Variants in RASSF5 observed in about 807,000 individuals in gnomAD.
The protein encoded by RASSF5 is Ras association domain family member 5.
A neutral mutation model predicts 40.5 loss-of-function variants in RASSF5; 25 were observed. The ratio of observed to expected loss-of-function variants is 0.62; its 90% CI spans 0.45 to 0.86. The LOEUF is 0.86. RASSF5 is among the 40% of genes least tolerant of loss of function. RASSF5 has a pLI of 0.00. For missense variants in RASSF5, 521 were observed against 572.8 expected (o/e 0.91, Z 0.92); for synonymous variants, 246 against 252.4 (o/e 0.97, Z 0.24).
In RASSF5 at chr1:206,566,400, T is replaced by C. The variant is rs540377919; in HGVS notation, c.580-16869T>C. On this transcript the variant is annotated intron_variant, in intron 2 of 5. Transcript: ENST00000579436. The stretch of plus-strand genomic sequence containing the variant: ...TCTAGTCTTGGGAAATCTGGGTTAC[T>C]GTACTTTGTTATCATGATCATCTCA... Among the ~76,000 whole-genome samples, 14 of 152,342 alleles carry C rather than the reference T, an allele frequency of 9.2e-5. 1 individual carries two copies. The South Asian group carries it at 2.7e-3, about 29-fold the overall frequency.
chr1:206,523,647 TA>T (rs1322308665), intron 1 of RASSF5, among the ~76,000 whole-genome samples: 15 of 100,820 alleles, frequency 1.5e-4, no homozygotes, highest in Non-Finnish European at 2.6e-4. Context: ...ATATATAATA[TA>T]TTTATATAAA....
intron 1 of RASSF5, among the ~76,000 whole-genome samples, chr1:206,537,893 T>C (rs73079044): frequency 0.026 from 4,018 of 152,334 alleles, 192 homozygotes; most frequent in African/African-American, 0.091. Flanking sequence ...CTCTAGGCAC[T>C]GATTTTCTAT....
intron 1 of RASSF5, chr1:206,529,701 G>A (rs1667187759): frequency 9.7e-6 from 7 of 718,950 alleles, no homozygotes; most frequent in Non-Finnish European, 1.8e-5. Flanking sequence ...CACTAAACCG[G>A]GTTAAATGCA....
rs1553406188 is a variant in RASSF5, at chr1:206,581,005, A to G, written c.580-2264A>G. Reference sequence around the variant, plus strand: ...TTTCAGTGATCATTATGGGTGTGGCAGGCCGGCCCCTTCAGCAAAAGATGC... The same window carrying G: ...TTTCAGTGATCATTATGGGTGTGGCGGGCCGGCCCCTTCAGCAAAAGATGC... On this transcript the variant is annotated intron_variant, in intron 2 of 5. Coordinates refer to ENST00000579436, the MANE Select transcript of RASSF5 (RefSeq NM_182663.4). 4 of 152,244 alleles carry G rather than the reference A, an allele frequency of 2.6e-5. No homozygotes were observed. The South Asian group carries it at 6.2e-4, about 24-fold the overall frequency. The allele number at this position is 152,244 out of a possible 1,614,324, so 9.4% of individuals were successfully genotyped here. A position where few individuals can be genotyped will look rare whatever the true frequency, so the allele number is the denominator to read the frequency against.
chr1:206,556,629 T>A (rs1455118084), intron 2 of RASSF5, among the ~76,000 whole-genome samples: 1 of 152,134 alleles, frequency 6.6e-6, no homozygotes, highest in Non-Finnish European at 1.5e-5. Flanking sequence ...GAGGGCCAAG[T>A]TCTATGGGTG....
At chr1:206,570,814 G>T (rs1167199298) in intron 2 of RASSF5, among the ~76,000 whole-genome samples, 2 of 152,068 alleles carry the variant, frequency 1.3e-5, no homozygotes, top group Non-Finnish European at 2.9e-5. Context: ...TGGACACTTG[G>T]GTTTCATCCA....
chr1:206,529,257 G>T (rs568600453), intron 1 of RASSF5: 15 of 1,147,980 alleles, frequency 1.3e-5, no homozygotes, highest in Middle Eastern at 2.9e-4. Context: ...GTTGGCCCAG[G>T]CTGAGAAGAG....
chr1:206,563,742 A>T (rs561440586), intron 2 of RASSF5, among the ~76,000 whole-genome samples: 1 of 152,204 alleles, frequency 6.6e-6, no homozygotes, highest in Admixed American at 6.5e-5. Flanking sequence ...GCTTACCCCA[A>T]TTGGAATGCA....
chr1:206,548,707 A>C (rs567631084), intron 2 of RASSF5, among the ~76,000 whole-genome samples: 4 of 152,342 alleles, frequency 2.6e-5, no homozygotes, highest in Non-Finnish European at 4.4e-5. Context: ...AGTTTTCACG[A>C]AAATTGGAAA....
chr1:206,545,043 T>C (rs918738185), intron 2 of RASSF5, among the ~76,000 whole-genome samples: 10 of 152,066 alleles, frequency 6.6e-5, no homozygotes, highest in Non-Finnish European at 1.5e-5. Context: ...GATGTGTCCT[T>C]TCCTGAGGCC....
chr1:206,538,834 G>A (rs1322167182), intron 2 of RASSF5, among the ~76,000 whole-genome samples: 3 of 152,208 alleles, frequency 2.0e-5, no homozygotes, highest in Non-Finnish European at 4.4e-5. Flanking sequence ...TGGAGACAGA[G>A]GAGTGTGTTT....
Position 206,584,959 on chromosome 1 carries a change from C to T in RASSF5, c.989-221C>T, listed in dbSNP as rs782263578. On this transcript the variant is annotated intron_variant, in intron 4 of 5. Transcript: ENST00000579436. The surrounding 1 kb of genome is among the most constrained non-coding windows in gnomAD (Gnocchi z 4.9). ...ATCTGCCCCACCATTCCTAATCTTT[C>T]AGGAGATGATGTGAATGGAATCATG... 2 of 606,316 alleles carry T rather than the reference C, an allele frequency of 3.3e-6. No homozygotes were observed. Among genetic ancestry groups the T allele is most frequent in the Non-Finnish European group, 5.8e-6 (2 of 342,354 alleles). The allele number at this position is 606,316 out of a possible 1,614,324, so 37.6% of individuals were successfully genotyped here.
In RASSF5 at chr1:206,507,861, C is replaced by G. The variant is rs57865548; in HGVS notation, c.259C>G (p.Leu87Val). 2.0e-6 allele frequency: 3 copies of G among 1,483,644 alleles called. No individual in the cohort carries two copies. Among genetic ancestry groups the G allele is most frequent in the Admixed American group, 4.6e-5 (2 of 43,844 alleles). 91.9% of individuals were successfully genotyped at this position (1,483,644 alleles called of 1,614,324 possible). A position where few individuals can be genotyped will look rare whatever the true frequency, so the allele number is the denominator to read the frequency against. ...SRPARPLRPG[L>V]QQRLRRRPGA... ...ACCCGCTCGCCCGCTCCGGCCTGGT[C>G]TGCAGCAGAGACTGCGGCGGCGGCC... The change falls in exon 1 of 6, where the codon CTG (leucine) becomes GTG (valine). Residue 87 changes from leucine to valine, a missense_variant. Leu to Val is a conservative substitution (Grantham distance 32). Coordinates refer to ENST00000579436, the MANE Select transcript of RASSF5 (RefSeq NM_182663.4).
chr1:206,530,766 G>A (rs1325100458), intron 1 of RASSF5, among the ~76,000 whole-genome samples: 1 of 152,226 alleles, frequency 6.6e-6, no homozygotes, highest in Non-Finnish European at 1.5e-5. Context: ...AGTACACCCA[G>A]CCCCTCCCCG....
At chr1:206,527,990 T>A (rs1212216070) in intron 1 of RASSF5, among the ~76,000 whole-genome samples, 1 of 152,116 alleles carries the variant, frequency 6.6e-6, no homozygotes, top group Admixed American at 6.6e-5. Flanking sequence ...AAAATAGGAG[T>A]AGATCCAATG....
chr1:206,546,316 C>T (rs1553400193), intron 2 of RASSF5, among the ~76,000 whole-genome samples: 1 of 151,544 alleles, frequency 6.6e-6, no homozygotes, highest in African/African-American at 2.4e-5. Flanking sequence ...GCCATGTTGC[C>T]CAGCCTGGTC....
Position 206,573,261 on chromosome 1 carries a change from A to C in RASSF5, c.580-10008A>C, listed in dbSNP as rs185190735. 3.4e-3 allele frequency among the ~76,000 whole-genome samples: 521 copies of C among 152,180 alleles called. 15 individuals carry two copies. Among genetic ancestry groups the C allele is most frequent in the Admixed American group, 0.033 (502 of 15,294 alleles). ...GGACTGCTTGATTTTTTACCTTCAC[A>C]TCAATCCCGTGAGGCAATAAAGGAT... On this transcript the variant is annotated intron_variant, in intron 2 of 5. Transcript: ENST00000579436.
Position 206,507,708 on chromosome 1 carries a change from C to T in RASSF5, c.106C>T (p.Pro36Ser). The T allele has an allele frequency of 6.7e-7, 1 of 1,489,134 alleles. No homozygotes were observed. Among genetic ancestry groups the T allele is most frequent in the Non-Finnish European group, 8.9e-7 (1 of 1,126,066 alleles). 92.2% of individuals were successfully genotyped at this position (1,489,134 alleles called of 1,614,324 possible). ...QSLSGPELPP[P>S]PPDRSSRLCV... ...CCTGAGCGGCCCCGAGCTACCGCCG[C>T]CGCCCCCCGACCGGTCCTCGCGCCT... The change falls in exon 1 of 6, where the codon CCG (proline) becomes TCG (serine). Residue 36 changes from proline to serine, a missense_variant. Physicochemically the swap from Pro to Ser is moderately conservative, Grantham distance 74. This residue lies in a region of RASSF5 where 237 missense variants were observed against 212.0 expected (regional missense o/e 1.12). Coordinates refer to ENST00000579436, the MANE Select transcript of RASSF5 (RefSeq NM_182663.4).
intron 2 of RASSF5, among the ~76,000 whole-genome samples, chr1:206,567,199 C>A (rs1553403530): frequency 6.6e-6 from 1 of 152,142 alleles, no homozygotes; most frequent in African/African-American, 2.4e-5. Context: ...CACTAAGCAA[C>A]CAAGCCCTGG....
Sources: allele counts gnomAD v4.1 joint callset (sites outside exome capture counted in the v4.1 genomes callset), GRCh38; gene constraint gnomAD v4.1.1; regional missense constraint gnomAD v4.1.1; non-coding constraint Gnocchi (gnomAD v3.1); transcripts MANE v1.5; gene names NCBI Gene and HGNC (gene_info 2026-07-23, HGNC 2026-07-21).